The following SKIC8 variants were observed in gnomAD, a reference collection of about 807,000 sequenced individuals.
SKIC8 encodes SKI8 subunit of superkiller complex.
chr15:78,295,174 A>C, the SKIC8 span: 1 of 597,918 alleles, frequency 1.7e-6, no homozygotes, highest in Non-Finnish European at 2.9e-6. Context: ...AAATTCTTAA[A>C]GAAACTGACA....
the SKIC8 span, chr15:78,288,354 G>A: frequency 6.2e-7 from 1 of 1,613,906 alleles, no homozygotes; most frequent in Non-Finnish European, 8.5e-7. Context: ...CCGGGGAAAA[G>A]GTCAAGGAGC....
chr15:78,296,002 T>C, the SKIC8 span: 4 of 318,924 alleles, frequency 1.3e-5, no homozygotes, highest in Admixed American at 4.8e-5. Context: ...CTCTGTCCTT[T>C]CCTGCTCTTT....
the SKIC8 span, chr15:78,285,808 C>A: frequency 2.2e-6 from 1 of 460,848 alleles, no homozygotes; most frequent in Non-Finnish European, 3.9e-6. Flanking sequence ...TTGGTAGAAG[C>A]CTCAATTTAT....
the SKIC8 span, chr15:78,288,152 G>GGACC: frequency 1.2e-6 from 1 of 809,018 alleles, no homozygotes; most frequent in Non-Finnish European, 1.9e-6. Context: ...GAACGGGGGA[G>GGACC]GACCGCCTGG....
the SKIC8 span, chr15:78,293,309 G>A: frequency 6.4e-7 from 1 of 1,564,268 alleles, no homozygotes; most frequent in Non-Finnish European, 8.8e-7. Flanking sequence ...AAGTCTTCTT[G>A]CATACGACTT....
chr15:78,285,015 C>T, the SKIC8 span: 1 of 490,590 alleles, frequency 2.0e-6, no homozygotes, highest in South Asian at 3.4e-5. Flanking sequence ...GGGGCTAACA[C>T]CATGTTTTCC....
the SKIC8 span, chr15:78,285,438 A>G: frequency 1.4e-5 from 14 of 1,010,850 alleles, no homozygotes; most frequent in Non-Finnish European, 2.2e-5. Context: ...AGACCCCCCA[A>G]CCCCATGCCT....
chr15:78,289,806 G>C, the SKIC8 span: 1 of 1,509,656 alleles, frequency 6.6e-7, no homozygotes, highest in East Asian at 2.3e-5. Flanking sequence ...GCTATCTACA[G>C]GTCTAACTGG....
the SKIC8 span, chr15:78,289,668 G>T: frequency 1.2e-6 from 2 of 1,614,162 alleles, no homozygotes; most frequent in East Asian, 4.5e-5. Context: ...AAATATTGAT[G>T]ATTCCATCTA....
the SKIC8 span, chr15:78,283,999 A>G: frequency 6.5e-6 from 1 of 153,018 alleles, no homozygotes; most frequent in Non-Finnish European, 1.5e-5. Context: ...TGGCCTATGG[A>G]GCCTGCCTGT....
At chr15:78,285,976 A>G in the SKIC8 span, 2 of 1,330,950 alleles carry the variant, frequency 1.5e-6, no homozygotes, top group Non-Finnish European at 2.1e-6. Flanking sequence ...TGTTAAGGCA[A>G]TCTATACAAG....
At chr15:78,287,462 G>C in the SKIC8 span, among the ~76,000 whole-genome samples, 6 of 152,190 alleles carry the variant, frequency 3.9e-5, no homozygotes, top group African/African-American at 1.2e-4. Flanking sequence ...ACTATCACAG[G>C]CCCCTGAAAG....
At chr15:78,285,444 T>C in the SKIC8 span, 1 of 944,240 alleles carries the variant, frequency 1.1e-6, no homozygotes, top group Admixed American at 1.9e-5. Context: ...CCCAACCCCA[T>C]GCCTCGGTAC....
the SKIC8 span, chr15:78,288,257 G>C: frequency 1.3e-6 from 2 of 1,594,474 alleles, no homozygotes; most frequent in Non-Finnish European, 1.7e-6. Flanking sequence ...ATGGGCATCA[G>C]TAGTAAGGGA....
At chr15:78,296,451 C>A in the SKIC8 span, among the ~76,000 whole-genome samples, 1 of 151,710 alleles carries the variant, frequency 6.6e-6, no homozygotes, top group African/African-American at 2.4e-5. Context: ...GATCTAATTT[C>A]TCAGGCTACA....
the SKIC8 span, chr15:78,294,727 A>C: frequency 1.8e-6 from 1 of 548,560 alleles, no homozygotes; most frequent in Non-Finnish European, 3.2e-6. Flanking sequence ...TCCCCAACCT[A>C]TCATGATGAC....
At chr15:78,289,866 GA>G in the SKIC8 span, 3 of 1,569,652 alleles carry the variant, frequency 1.9e-6, no homozygotes, top group Non-Finnish European at 2.6e-6. Flanking sequence ...ACCAGACCAA[GA>G]CAGAATCTGT....
chr15:78,285,720 G>T, the SKIC8 span: 1 of 419,852 alleles, frequency 2.4e-6, no homozygotes, highest in South Asian at 4.7e-5. Flanking sequence ...GACCAACACT[G>T]GGATCTATAA....
chr15:78,289,856 A>C, the SKIC8 span: 1 of 1,558,608 alleles, frequency 6.4e-7, no homozygotes, highest in Non-Finnish European at 8.7e-7. Context: ...CAGCTGCCTG[A>C]CCAGACCAAG....
Sources: allele counts gnomAD v4.1 joint callset (sites outside exome capture counted in the v4.1 genomes callset), GRCh38; gene constraint gnomAD v4.1.1; transcripts MANE v1.5; gene names NCBI Gene and HGNC (gene_info 2026-07-23, HGNC 2026-07-21).